Variants in LONRF1 observed in about 807,000 individuals in gnomAD.
LONRF1 encodes LON peptidase N-terminal domain and ring finger 1.
Under a neutral mutation model 85.8 loss-of-function variants are expected in LONRF1, and 37 were observed. That is an observed-to-expected ratio of 0.43 (90% CI 0.33 to 0.57). LONRF1 has a LOEUF of 0.57. Ranked by LOEUF, LONRF1 falls within the 20% of genes least tolerant of loss-of-function variation. LONRF1 has a pLI of 0.04. For missense variants in LONRF1, 1,036 were observed against 978.0 expected, an observed-to-expected ratio of 1.06 and a Z score of -0.79; for synonymous variants, 517 against 390.1, an observed-to-expected ratio of 1.33 and a Z score of -3.83.
rs572012250 is a variant in LONRF1, at chr8:12,752,446, T to C, written c.721+2254A>G. Among the ~76,000 whole-genome samples the C allele has an allele frequency of 1.3e-3, 195 of 152,308 alleles. 1 individual carries two copies. The highest frequency in any genetic ancestry group is 4.6e-3 in the African/African-American group (190 of 41,568). Reference sequence around the variant, plus strand: ...AGATTAAAAAACTTATCCTCATTAGTGCCATTCAGACATTTTCAAGCATGG... The same window carrying C: ...AGATTAAAAAACTTATCCTCATTAGCGCCATTCAGACATTTTCAAGCATGG... On this transcript the variant is annotated intron_variant, in intron 1 of 11. Coordinates refer to ENST00000398246, the MANE Select transcript of LONRF1 (RefSeq NM_152271.5).
At chr8:12,748,482 C>A (rs933919484) in intron 1 of LONRF1, among the ~76,000 whole-genome samples, 1 of 152,184 alleles carries the variant, frequency 6.6e-6, no homozygotes, top group Non-Finnish European at 1.5e-5. Context: ...TATGCATGAG[C>A]CACCATGCTG....
rs1423385205 is a variant in LONRF1 at position 12,755,184 on chromosome 8, G to C, written c.237C>G (p.Ala79=). ...CGCCCAGGCACTCGGGCCTGGCCGGGGCCCCGCGGCGCAGCGCCGCCGCGA... is the reference window on the plus strand; with the variant it reads ...CGCCCAGGCACTCGGGCCTGGCCGGCGCCCCGCGGCGCAGCGCCGCCGCGA... ...EAFAAALRRG[A]PARPECLGAL... is the part of the protein sequence containing the mutation. Residue 79 remains alanine (A), a synonymous_variant, in exon 1 of 12, where the codon GCC becomes GCG. Transcript: ENST00000398246. 1 of 1,328,994 alleles carries C rather than the reference G, an allele frequency of 7.5e-7. No homozygotes were observed. Among genetic ancestry groups the C allele is most frequent in the South Asian group, 2.0e-5 (1 of 49,802 alleles). The allele number at this position is 1,328,994 out of a possible 1,614,324, so 82.3% of individuals were successfully genotyped here.
At chr8:12,740,106 G>C (rs1798873383) in intron 3 of LONRF1, among the ~76,000 whole-genome samples, 1 of 152,114 alleles carries the variant, frequency 6.6e-6, no homozygotes, top group Non-Finnish European at 1.5e-5. Context: ...ACATGATTCT[G>C]ACAAAAAGCC....
rs1406497269 is a variant in LONRF1, at chr8:12,731,874, T to C, written c.1567-17A>G. The C allele has an allele frequency of 3.1e-6, 5 of 1,604,212 alleles. No homozygotes were observed. The highest frequency in any genetic ancestry group is 1.1e-5 in the South Asian group (1 of 88,794). On this transcript the variant is annotated splice_polypyrimidine_tract_variant and intron_variant, in intron 7 of 11. Transcript: ENST00000398246. Reference sequence around the variant, plus strand: ...TGCTAGATACTAAAAGACAATATTATTTTACATTCCAGCAGTGGTTTTCCT... The same window carrying C: ...TGCTAGATACTAAAAGACAATATTACTTTACATTCCAGCAGTGGTTTTCCT...
chr8:12,734,210 G>A (rs1798633903), intron 7 of LONRF1, among the ~76,000 whole-genome samples: 1 of 151,704 alleles, frequency 6.6e-6, no homozygotes, highest in South Asian at 2.1e-4. Flanking sequence ...AAGAATAAAT[G>A]TATCTGATGT....
intron 11 of LONRF1, among the ~76,000 whole-genome samples, chr8:12,724,504 A>C (rs1199521372): frequency 6.6e-6 from 1 of 152,074 alleles, no homozygotes; most frequent in Non-Finnish European, 1.5e-5. Context: ...CAGCTCTCCC[A>C]ACTACTATAC....
chr8:12,729,092 G>C (rs969220508), intron 9 of LONRF1, 29 bp from the exon 10 acceptor site: 1 of 1,612,484 alleles, frequency 6.2e-7, no homozygotes, highest in Admixed American at 1.7e-5. Flanking sequence ...TAGTAACAAA[G>C]TTGAAACATA....
intron 8 of LONRF1, among the ~76,000 whole-genome samples, chr8:12,730,244 G>A (rs1798476838): frequency 6.6e-6 from 1 of 152,206 alleles, no homozygotes. Context: ...ATATTAATGA[G>A]AGGAGCAGGT....
At chr8:12,736,858 T>G (rs529357446) in intron 5 of LONRF1, 42 bp downstream of exon 5, 1 of 1,573,442 alleles carries the variant, frequency 6.4e-7, no homozygotes, top group South Asian at 1.2e-5. Flanking sequence ...CTATTCTGAC[T>G]AAATAAATTT....
intron 11 of LONRF1, 65 bp from the exon 12 acceptor site, chr8:12,723,319 C>A: frequency 2.0e-6 from 3 of 1,475,866 alleles, no homozygotes; most frequent in Admixed American, 2.2e-5. Flanking sequence ...AGTAGCAAAC[C>A]ACCAAAAAAT....
chr8:12,746,844 A>G (rs993567829), intron 1 of LONRF1, among the ~76,000 whole-genome samples: 5 of 152,124 alleles, frequency 3.3e-5, no homozygotes, highest in Non-Finnish European at 5.9e-5. Context: ...CCTCCATGCT[A>G]TTAATATGTT....
chr8:12,737,450 A>G (rs984681142), intron 4 of LONRF1: 1 of 485,244 alleles, frequency 2.1e-6, no homozygotes, highest in Non-Finnish European at 3.8e-6. Context: ...TATAACAACT[A>G]TTTACATAGT....
At chr8:12,741,138 C>T in intron 2 of LONRF1, 142 bp from the exon 3 acceptor site, 1 of 790,034 alleles carries the variant, frequency 1.3e-6, no homozygotes, top group Admixed American at 2.6e-5. Flanking sequence ...AATCCCAGCA[C>T]TTTGGGAGGC....
rs1243301546 is a variant in LONRF1, at chr8:12,721,942, CA to C, written c.*1153del. The C allele has an allele frequency of 2.6e-5, 4 of 152,050 alleles. No individual in the cohort carries two copies. Among genetic ancestry groups the C allele is most frequent in the Non-Finnish European group, 4.4e-5 (3 of 67,938 alleles). The allele number at this position is 152,050 out of a possible 1,614,324, so 9.4% of individuals were successfully genotyped here. ...TAGCTTTTATTCAAAATTAAATAAG[CA>C]AAAGCAAAAATTTTAAGAAACTTTT... On this transcript the variant is annotated 3_prime_UTR_variant, in exon 12 of 12. Coordinates refer to ENST00000398246, the MANE Select transcript of LONRF1 (RefSeq NM_152271.5).
chr8:12,750,087 A>T (rs2117344130), intron 1 of LONRF1, among the ~76,000 whole-genome samples: 1 of 152,328 alleles, frequency 6.6e-6, no homozygotes, highest in Non-Finnish European at 1.5e-5. Context: ...TTCAGTTTTA[A>T]CTTGGTCACT....
intron 8 of LONRF1, 105 bp from the exon 9 acceptor site, chr8:12,729,437 CA>C (rs1462159448): frequency 1.7e-4 from 194 of 1,133,570 alleles, no homozygotes; most frequent in Middle Eastern, 4.2e-4. Context: ...TAATGTAAAG[CA>C]AAAAAAGAAT....
intron 1 of LONRF1, among the ~76,000 whole-genome samples, chr8:12,749,276 G>T (rs1799285302): frequency 6.6e-6 from 1 of 152,018 alleles, no homozygotes; most frequent in South Asian, 2.1e-4. Flanking sequence ...ACATCTTTAG[G>T]GATCAGGAGA....
At chr8:12,725,045 A>ACGATGC (rs1187471684) in intron 11 of LONRF1, among the ~76,000 whole-genome samples, 5 of 152,358 alleles carry the variant, frequency 3.3e-5, no homozygotes, top group Middle Eastern at 3.4e-3. Context: ...TCAAAATGCT[A>ACGATGC]CGATGCCTAA....
intron 3 of LONRF1, chr8:12,738,865 T>C (rs1327476115): frequency 6.6e-6 from 1 of 152,180 alleles, no homozygotes; most frequent in Admixed American, 6.6e-5. Context: ...TCTGTATTTA[T>C]AGGTATAGCA....
Sources: allele counts gnomAD v4.1 joint callset (sites outside exome capture counted in the v4.1 genomes callset), GRCh38; gene constraint gnomAD v4.1.1; transcripts MANE v1.5; gene names NCBI Gene and HGNC (gene_info 2026-07-23, HGNC 2026-07-21).